DOC2A: variants seen among roughly 807,000 people sequenced by gnomAD.
DOC2A encodes double C2-like domain-containing protein alpha.
Under a neutral mutation model 40.6 loss-of-function variants are expected in DOC2A, and 28 were observed. The observed-to-expected ratio is 0.69, with a 90% CI of 0.51 to 0.95. DOC2A has a LOEUF of 0.95. Among genes scored for constraint, DOC2A ranks in the 40% least tolerant of loss-of-function variants. The probability of loss-of-function intolerance (pLI) is 0.00; values close to 1 mark genes in which losing one functional copy is unlikely to be tolerated. For synonymous variants in DOC2A, 241 were observed against 236.9 expected (o/e 1.02, Z -0.16); for missense variants, 474 against 552.5 (o/e 0.86, Z 1.42).
Position 30,006,720 on chromosome 16 carries a change from A to T in DOC2A, c.879-43T>A. On this transcript the variant is annotated intron_variant, in intron 8 of 10. Coordinates refer to ENST00000350119, the MANE Select transcript of DOC2A (RefSeq NM_003586.3). The surrounding 1 kb of genome is among the most constrained non-coding windows in gnomAD (Gnocchi z 6.2). ...GGAGACGAACTGAGGGGTGAGGGAC[A>T]GGCCAGGCCCAACTCAGGCCAGGGC... is the stretch of plus-strand genomic sequence containing the variant. 6.2e-7 allele frequency: 1 copy of T among 1,613,690 alleles called. No homozygotes were observed. The highest frequency in any genetic ancestry group is 8.5e-7 in the Non-Finnish European group (1 of 1,179,792).
chr16:30,010,052 G>C lies in DOC2A; in HGVS notation c.171C>G (p.Val57=). The C allele has an allele frequency of 6.2e-7, 1 of 1,611,658 alleles. No individual in the cohort carries two copies. The highest frequency in any genetic ancestry group is 1.3e-5 in the African/African-American group (1 of 75,028). ...GGGGEAPAHL[V]PLALAPPAAL... is the part of the protein sequence containing the mutation. ...CTGCAGGGGGGGCCAGAGCCAGGGG[G>C]ACCAGATGGGCGGGGGCCTCCCCGC... is the stretch of plus-strand genomic sequence containing the variant. The change falls in exon 2 of 11, where the codon GTC becomes GTG. Residue 57 remains valine, a synonymous_variant. Transcript: ENST00000350119. This position sits in a 1 kb window ranked among gnomAD's most constrained non-coding sequence, Gnocchi z 4.2.
chr16:30,015,427 C>T (rs12935701), upstream of DOC2A, among the ~76,000 whole-genome samples: 49,557 of 152,044 alleles, frequency 0.33, 8,821 homozygotes, highest in South Asian at 0.43. Context: ...GTGATTCTCC[C>T]GCGTCACACT....
upstream of DOC2A, among the ~76,000 whole-genome samples, chr16:30,014,400 C>A (rs2070834122): frequency 6.6e-6 from 1 of 151,922 alleles, no homozygotes; most frequent in Non-Finnish European, 1.5e-5. Flanking sequence ...TTTTGGGAGG[C>A]CAAGGCGGGT....
chr16:30,011,074 G>A (rs570217825), upstream of DOC2A: 9 of 977,282 alleles, frequency 9.2e-6, no homozygotes, highest in South Asian at 4.7e-5. Flanking sequence ...CAGCCGGCGC[G>A]GCGGCGGGGG....
chr16:30,009,173 G>A lies in DOC2A; in HGVS notation c.417+29C>T, dbSNP rs766949223. The A allele has an allele frequency of 5.6e-6, 9 of 1,609,734 alleles. No homozygotes were observed. The highest frequency in any genetic ancestry group is 3.3e-4 in the Middle Eastern group (2 of 6,046). ...CCCCACAGGCTGGAGTCATGGGCTGGGCCGGGCGGGGCGAGAGGAGGCTGT... is the reference window on the plus strand; with the variant it reads ...CCCCACAGGCTGGAGTCATGGGCTGAGCCGGGCGGGGCGAGAGGAGGCTGT... On this transcript the variant is annotated intron_variant, in intron 4 of 10. Coordinates refer to ENST00000350119, the MANE Select transcript of DOC2A (RefSeq NM_003586.3). This position sits in a 1 kb window ranked among gnomAD's most constrained non-coding sequence, Gnocchi z 4.1.
chr16:30,011,310 G>C (rs909042677), upstream of DOC2A: 2 of 982,248 alleles, frequency 2.0e-6, no homozygotes, highest in African/African-American at 3.6e-5. Flanking sequence ...ACACACCCAG[G>C]CGCGCGCTGG....
At position 30,009,273 on chromosome 16, in the gene DOC2A, G is replaced by A. The variant is rs2150955558; in HGVS notation, c.346C>T (p.Leu116Phe). 6.4e-7 allele frequency: 1 copy of A among 1,557,766 alleles called. No individual in the cohort carries two copies. Among genetic ancestry groups the A allele is most frequent in the Non-Finnish European group, 8.7e-7 (1 of 1,150,326 alleles). Residue 116 changes from leucine (L) to phenylalanine (F), a missense_variant, in exon 4 of 11, where the codon CTC becomes TTC. Physicochemically the swap from Leu to Phe is conservative, Grantham distance 22. Transcript: ENST00000350119. The surrounding 1 kb of genome is among the most constrained non-coding windows in gnomAD (Gnocchi z 4.1). The stretch of plus-strand genomic sequence containing the variant: ...AGGCCATTGAAATCCATGGGCTTGA[G>A]GCCCTGGAGAGGAGGGCAGGGGAGA... ...LHCSILRAKG[L>F]KPMDFNGLAD...
Position 30,005,543 on chromosome 16 carries a change from T to A in DOC2A, c.*643A>T. 1 of 1,128,696 alleles carries A rather than the reference T, an allele frequency of 8.9e-7. No homozygotes were observed. The highest frequency in any genetic ancestry group is 1.3e-6 in the Non-Finnish European group (1 of 778,588). 69.9% of individuals were successfully genotyped at this position (1,128,696 alleles called of 1,614,324 possible). ...TCGGAGGTGTTTATTGATGCCCAGC[T>A]GCCATGCTCCGGCCACTGACACAAC... On this transcript the variant is annotated 3_prime_UTR_variant, in exon 11 of 11. Coordinates refer to ENST00000350119, the MANE Select transcript of DOC2A (RefSeq NM_003586.3).
rs200955492 is a variant in DOC2A at position 30,010,092 on chromosome 16, C to T, written c.131G>A (p.Gly44Glu). Residue 44 changes from glycine to glutamate, a missense_variant, in exon 2 of 11, where the codon GGG becomes GAG. By Grantham distance (98) the Gly-to-Glu change is moderately conservative. Transcript: ENST00000350119. The surrounding 1 kb of genome is among the most constrained non-coding windows in gnomAD (Gnocchi z 4.2). ...GGCCTCCCCGCCGCCCCCGCCGCCC[C>T]CTTCAGGTCCTGGTCCCCGGGGGAA... Reference protein sequence around the residue: ...DYFPRGPGPEGGGGGGGEAPA... With the variant: ...DYFPRGPGPEEGGGGGGEAPA... 4.8e-4 allele frequency: 774 copies of T among 1,612,690 alleles called. 1 individual carries two copies. Among genetic ancestry groups the T allele is most frequent in the Non-Finnish European group, 6.3e-4 (743 of 1,179,320 alleles).
chr16:30,012,525 A>AT (rs1356090923), upstream of DOC2A: 2 of 151,920 alleles, frequency 1.3e-5, no homozygotes, highest in Non-Finnish European at 2.9e-5. Flanking sequence ...GTACATTTCG[A>AT]TATGCGTATT....
Position 30,009,285 on chromosome 16 carries a change from G to C in DOC2A, c.343-9C>G. The C allele has an allele frequency of 6.4e-7, 1 of 1,553,878 alleles. No individual in the cohort carries two copies. The highest frequency in any genetic ancestry group is 1.2e-5 in the South Asian group (1 of 84,570). ...TCCATGGGCTTGAGGCCCTGGAGAG[G>C]AGGGCAGGGGAGAGGGCTAGAGGCT... On this transcript the variant is annotated splice_polypyrimidine_tract_variant and intron_variant, in intron 3 of 10. Transcript: ENST00000350119. The surrounding 1 kb of genome is among the most constrained non-coding windows in gnomAD (Gnocchi z 4.1).
chr16:30,005,538 C>T lies in DOC2A; in HGVS notation c.*648G>A. 4 of 1,161,908 alleles carry T rather than the reference C, an allele frequency of 3.4e-6. No homozygotes were observed. Among genetic ancestry groups the T allele is most frequent in the South Asian group, 2.7e-5 (2 of 73,112 alleles). 72.0% of individuals were successfully genotyped at this position (1,161,908 alleles called of 1,614,324 possible). A position where few individuals can be genotyped will look rare whatever the true frequency, so the allele number is the denominator to read the frequency against. ...CTTCCTCGGAGGTGTTTATTGATGC[C>T]CAGCTGCCATGCTCCGGCCACTGAC... On this transcript the variant is annotated 3_prime_UTR_variant, in exon 11 of 11. Transcript: ENST00000350119.
At chr16:30,021,870 A>AC (rs141039739), upstream of DOC2A, among the ~76,000 whole-genome samples, 3,687 of 133,436 alleles carry the variant, frequency 0.028, 98 homozygotes, top group African/African-American at 0.08. Context: ...TCAGAGAGGA[A>AC]CCCCCCCCCC....
At position 30,006,346 on chromosome 16, in the gene DOC2A, G is replaced by A. The variant is rs764047517; in HGVS notation, c.1058-15C>T. ...GGACACGCCACCTGGGGAGCAGGTG[G>A]GCAGGGTCAGGGCCACCTCCCTGCC... On this transcript the variant is annotated splice_polypyrimidine_tract_variant and intron_variant, in intron 10 of 10. Coordinates refer to ENST00000350119, the MANE Select transcript of DOC2A (RefSeq NM_003586.3). This position sits in a 1 kb window ranked among gnomAD's most constrained non-coding sequence, Gnocchi z 6.2. The A allele has an allele frequency of 2.5e-6, 4 of 1,612,312 alleles. No homozygotes were observed. In the Admixed American group the frequency reaches 6.7e-5, roughly 27 times the overall value.
intron 1 of DOC2A, among the ~76,000 whole-genome samples, chr16:30,020,847 AAAAACAAAAC>A (rs1378776160): frequency 6.6e-6 from 1 of 151,966 alleles, no homozygotes; most frequent in Admixed American, 6.6e-5. Context: ...ACTCCATCTA[AAAAACAAAAC>A]AAAACAAAAC....
At chr16:30,023,209 TCTC>T, upstream of DOC2A, 1 of 749,526 alleles carries the variant, frequency 1.3e-6, no homozygotes, top group Admixed American at 2.4e-5. Flanking sequence ...TCTCTTCTCC[TCTC>T]CTCTTCTGAT....
intron 1 of DOC2A, chr16:30,018,839 GAGA>G (rs758694812): frequency 3.9e-5 from 6 of 152,452 alleles, no homozygotes; most frequent in Admixed American, 1.3e-4. Flanking sequence ...GAGTTGGCTG[GAGA>G]AGGAGTCCTG....
At chr16:30,017,829 A>G (rs1037720066) in intron 1 of DOC2A, among the ~76,000 whole-genome samples, 1 of 151,746 alleles carries the variant, frequency 6.6e-6, no homozygotes, top group Non-Finnish European at 1.5e-5. Flanking sequence ...GCTTGGTGGC[A>G]TGCGTCTGTA....
upstream of DOC2A, chr16:30,021,670 C>A (rs867280545): frequency 1.3e-5 from 2 of 152,212 alleles, no homozygotes; most frequent in East Asian, 3.9e-4. Flanking sequence ...GAGTCCGCCC[C>A]GCTGCGCCTT....
Sources: allele counts gnomAD v4.1 joint callset (sites outside exome capture counted in the v4.1 genomes callset), GRCh38; gene constraint gnomAD v4.1.1; non-coding constraint Gnocchi (gnomAD v3.1); transcripts MANE v1.5; gene names NCBI Gene and HGNC (gene_info 2026-07-23, HGNC 2026-07-21).